The following KANK4 variants were observed in gnomAD, a reference collection of about 807,000 sequenced individuals.
KANK4 encodes KN motif and ankyrin repeat domain-containing protein 4.
Under a neutral mutation model 80.8 loss-of-function variants are expected in KANK4, and 50 were observed. The ratio of observed to expected loss-of-function variants is 0.62; its 90% CI spans 0.49 to 0.78. The LOEUF is 0.78. Among genes scored for constraint, KANK4 ranks in the 30% least tolerant of loss-of-function variants. The pLI is 0.00. For missense variants in KANK4, 1,196 were observed against 1,240.1 expected (o/e 0.96, Z 0.53); for synonymous variants, 465 against 506.9 (o/e 0.92, Z 1.11).
chr1:62,303,561 C>T (rs1212288835), intron 1 of KANK4, among the ~76,000 whole-genome samples: 4 of 151,996 alleles, frequency 2.6e-5, no homozygotes, highest in Non-Finnish European at 4.4e-5. Context: ...CTCTGCTGCC[C>T]AATATCGTAG....
intron 8 of KANK4, among the ~76,000 whole-genome samples, chr1:62,249,179 ATAT>A (rs1411959824): frequency 6.7e-6 from 1 of 150,310 alleles, no homozygotes; most frequent in African/African-American, 2.4e-5. Context: ...AAAAAAATTA[ATAT>A]AACAATGATT....
rs1383356534 is a variant in KANK4, at chr1:62,274,680, C to T, written c.424G>A (p.Ala142Thr). ...LLAEATRQLE[A>T]AEPEDAELTF... ...AGCTCGGCATCCTCTGGCTCAGCAG[C>T]TTCCAACTGTCTGGTGGCCTCTGCC... The change falls in exon 3 of 10, where the codon GCT becomes ACT. Residue 142 changes from alanine (A) to threonine (T), a missense_variant. Ala to Thr is a moderately conservative substitution (Grantham distance 58). Coordinates refer to ENST00000371153, the MANE Select transcript of KANK4 (RefSeq NM_181712.5). 6 of 1,614,202 alleles carry T rather than the reference C, an allele frequency of 3.7e-6. No homozygotes were observed. The highest frequency in any genetic ancestry group is 5.1e-6 in the Non-Finnish European group (6 of 1,180,042).
chr1:62,284,754 C>T (rs1421911887), intron 1 of KANK4, among the ~76,000 whole-genome samples: 1 of 152,174 alleles, frequency 6.6e-6, no homozygotes, highest in Non-Finnish European at 1.5e-5. Context: ...AGGGCCCAAC[C>T]TCTCTCCATA....
At chr1:62,241,909 C>T (rs1373007669) in intron 9 of KANK4, among the ~76,000 whole-genome samples, 1 of 152,158 alleles carries the variant, frequency 6.6e-6, no homozygotes, top group African/African-American at 2.4e-5. Flanking sequence ...TTAACAGGGT[C>T]CATCTGGAGG....
intron 7 of KANK4, among the ~76,000 whole-genome samples, chr1:62,260,172 G>A (rs1421240606): frequency 1.3e-5 from 2 of 152,052 alleles, no homozygotes; most frequent in African/African-American, 4.8e-5. Flanking sequence ...ATAGCCCAGC[G>A]TCTTGCTTCG....
chr1:62,318,515 C>T (rs1417565245), intron 1 of KANK4, among the ~76,000 whole-genome samples: 1 of 152,228 alleles, frequency 6.6e-6, no homozygotes, highest in Non-Finnish European at 1.5e-5. Flanking sequence ...CGGAGCTGCC[C>T]CATTGCCTCC....
intron 4 of KANK4, 142 bp downstream of exon 4, chr1:62,271,336 T>C: frequency 1.5e-6 from 1 of 656,224 alleles, no homozygotes; most frequent in Non-Finnish European, 2.8e-6. Flanking sequence ...AAACCCGAGA[T>C]GGAGTTTTAA....
chr1:62,284,500 G>C (rs978750874), intron 1 of KANK4, among the ~76,000 whole-genome samples: 2 of 152,130 alleles, frequency 1.3e-5, no homozygotes, highest in African/African-American at 4.8e-5. Context: ...TGTATTTTTA[G>C]TAGAGATGGG....
Position 62,236,996 on chromosome 1 carries a change from G to A in KANK4, c.*1281C>T, listed in dbSNP as rs1671215513. 1 of 152,066 alleles carries A rather than the reference G, an allele frequency of 6.6e-6. No individual in the cohort carries two copies. The highest frequency in any genetic ancestry group is 1.5e-5 in the Non-Finnish European group (1 of 68,028). The allele number at this position is 152,066 out of a possible 1,614,324, so 9.4% of individuals were successfully genotyped here. ...CTGTTTTTAGAGATGATGAAATTGC[G>A]GCCCAAGGAGGTTTCATGACTCACC... On this transcript the variant is annotated 3_prime_UTR_variant, in exon 10 of 10. Transcript: ENST00000371153.
At chr1:62,313,444 C>A (rs145242110) in intron 1 of KANK4, among the ~76,000 whole-genome samples, 149 of 152,334 alleles carry the variant, frequency 9.8e-4, no homozygotes, top group African/African-American at 3.4e-3. Flanking sequence ...GAATAATGTT[C>A]TCAGGCTCAC....
At chr1:62,273,143 G>C in intron 3 of KANK4, 61 bp downstream of exon 3, 1 of 1,194,438 alleles carries the variant, frequency 8.4e-7, no homozygotes, top group Middle Eastern at 2.9e-4. Context: ...TGTTCCCTCT[G>C]CCTTATCATG....
At chr1:62,307,943 C>T (rs966852384) in intron 1 of KANK4, among the ~76,000 whole-genome samples, 28 of 152,184 alleles carry the variant, frequency 1.8e-4, no homozygotes, top group African/African-American at 6.3e-4. Context: ...ACCTCTCTAG[C>T]CTCATCTCCA....
intron 1 of KANK4, among the ~76,000 whole-genome samples, chr1:62,307,506 G>A (rs1299981305): frequency 6.7e-6 from 1 of 148,154 alleles, no homozygotes; most frequent in African/African-American, 2.5e-5. Flanking sequence ...AAATTCCTGA[G>A]GAGTAGTTAA....
At chr1:62,245,041 T>C (rs1396076473) in intron 9 of KANK4, among the ~76,000 whole-genome samples, 1 of 152,174 alleles carries the variant, frequency 6.6e-6, no homozygotes, top group African/African-American at 2.4e-5. Context: ...ACCAGGGACT[T>C]CCAAAGCTCA....
Position 62,316,959 on chromosome 1 carries a change from T to C in KANK4, c.-71+2147A>G, listed in dbSNP as rs144334178. ...AGGGCCTTCTGCAGGGGAAAAAACCTTATGTTTAATGCCGAAGTTCAAAGC... is the reference window on the plus strand; with the variant it reads ...AGGGCCTTCTGCAGGGGAAAAAACCCTATGTTTAATGCCGAAGTTCAAAGC... On this transcript the variant is annotated intron_variant, in intron 1 of 9. Coordinates refer to ENST00000371153, the MANE Select transcript of KANK4 (RefSeq NM_181712.5). Among the ~76,000 whole-genome samples the C allele has an allele frequency of 6.5e-3, 991 of 152,276 alleles. 15 individuals carry two copies. Among genetic ancestry groups the C allele is most frequent in the African/African-American group, 0.023 (948 of 41,526 alleles).
At chr1:62,291,207 TGCTTATTG>T (rs1197814394) in intron 1 of KANK4, among the ~76,000 whole-genome samples, 1 of 152,248 alleles carries the variant, frequency 6.6e-6, no homozygotes, top group African/African-American at 2.4e-5. Context: ...CTTTTTCATG[TGCTTATTG>T]GCTTTTGTAT....
At chr1:62,307,083 C>T (rs1408340853) in intron 1 of KANK4, among the ~76,000 whole-genome samples, 1 of 152,190 alleles carries the variant, frequency 6.6e-6, no homozygotes, top group Non-Finnish European at 1.5e-5. Flanking sequence ...TTCCATCTTT[C>T]CAGATGTCCT....
Position 62,274,292 on chromosome 1 carries a change from CTGGCATTG to C in KANK4, c.804_811del (p.His268GlnfsTer25). The C allele has an allele frequency of 6.2e-7, 1 of 1,614,168 alleles. No individual in the cohort carries two copies. Among genetic ancestry groups the C allele is most frequent in the South Asian group, 1.1e-5 (1 of 91,062 alleles). On this transcript the variant is annotated frameshift_variant, in exon 3 of 10. Coordinates refer to ENST00000371153, the MANE Select transcript of KANK4 (RefSeq NM_181712.5). LOFTEE classifies it high-confidence loss of function. Reference sequence around the variant, plus strand: ...AGGGGTGAACAACACCTCTGCTTCTCTGGCATTGTGTTCATCTTCCTTGTCCTCTAGAA... The same window carrying C: ...AGGGGTGAACAACACCTCTGCTTCTCTGTTCATCTTCCTTGTCCTCTAGAA...
Position 62,247,533 on chromosome 1 carries a change from T to C in KANK4, c.2822A>G (p.Asn941Ser), listed in dbSNP as rs1480989583. The C allele has an allele frequency of 6.2e-7, 1 of 1,614,060 alleles. No homozygotes were observed. The highest frequency in any genetic ancestry group is 1.1e-5 in the South Asian group (1 of 91,086). Residue 941 changes from asparagine (N) to serine (S), a missense_variant, in exon 9 of 10, where the codon AAC becomes AGC. This residue lies in a region of KANK4 where 1,154 missense variants were observed against 1,179.6 expected (regional missense o/e 0.98). Transcript: ENST00000371153. ...CAGGAGCAGCCGCACCAGGTCCACG[T>C]TGCCATGGTGACAGGCCACCATGAG... is the stretch of plus-strand genomic sequence containing the variant. ...SALMVACHHG[N>S]VDLVRLLLAH...
Sources: gnomAD v4.1 joint callset for allele counts (sites outside exome capture counted in the v4.1 genomes callset) on GRCh38, gnomAD v4.1.1 for gene constraint, gnomAD v4.1.1 regional missense constraint, MANE v1.5 for transcripts, NCBI Gene and HGNC (gene_info 2026-07-23, HGNC 2026-07-21) for gene names.